The following PRH2 variants were observed in gnomAD, a reference collection of about 807,000 sequenced individuals.
The protein encoded by PRH2 is salivary acidic proline-rich phosphoprotein 1/2.
Under a neutral mutation model 22.6 loss-of-function variants are expected in PRH2, and 19 were observed. The observed-to-expected ratio is 0.84, with a 90% CI of 0.59 to 1.23. The LOEUF (loss-of-function observed/expected upper bound fraction) is 1.23. PRH2 is among the 50% of genes most tolerant of loss of function. The probability of loss-of-function intolerance (pLI) is 0.00; values close to 1 mark genes in which losing one functional copy is unlikely to be tolerated. For missense variants in PRH2, 109 were observed against 203.0 expected, an observed-to-expected ratio of 0.54 and a Z score of 2.81; for synonymous variants, 45 against 72.0, an observed-to-expected ratio of 0.63 and a Z score of 1.90.
chr12:10,933,653 A>C lies in PRH2; in HGVS notation c.*1446A>C, dbSNP rs1950245381. On this transcript the variant is annotated 3_prime_UTR_variant, in exon 4 of 4. Coordinates refer to ENST00000396400, the MANE Select transcript of PRH2 (RefSeq NM_001110213.1). ...GCCAACGTTGTCTTTGATAATATTT[A>C]ATATATTTTTTAAAAAACAATTCTT... Among the ~76,000 whole-genome samples, 1 of 152,070 alleles carries C rather than the reference A, an allele frequency of 6.6e-6. No homozygotes were observed. The highest frequency in any genetic ancestry group is 1.5e-5 in the Non-Finnish European group (1 of 67,948).
chr12:10,930,397 A>G, intron 2 of PRH2, 93 bp downstream of exon 2: 1 of 1,531,038 alleles, frequency 6.5e-7, no homozygotes, highest in Non-Finnish European at 9.0e-7. Flanking sequence ...CCTTGTCAGG[A>G]ATTGGCTAAT....
chr12:10,931,182 C>T, intron 3 of PRH2, 102 bp downstream of exon 3: 1 of 1,545,962 alleles, frequency 6.5e-7, no homozygotes. Flanking sequence ...ATTTCCGTGT[C>T]CTGGAACACA....
At chr12:10,929,381 T>A in intron 1 of PRH2, 44 bp downstream of exon 1, 1 of 1,611,456 alleles carries the variant, frequency 6.2e-7, no homozygotes, top group East Asian at 2.2e-5. Flanking sequence ...GATTGGGGTT[T>A]ACGGGCGAAT....
rs371159821 is a variant in PRH2 at position 10,929,344 on chromosome 12, C to T, written c.64+7C>T. On this transcript the variant is annotated splice_region_variant and intron_variant, in intron 1 of 3. Coordinates refer to ENST00000396400, the MANE Select transcript of PRH2 (RefSeq NM_001110213.1). ...GCTCAGGACTTAGATGAAGGTAAGC[C>T]GAATTGGGGGAAGATATTGTGACTC... The T allele has an allele frequency of 5.8e-5, 93 of 1,613,620 alleles. No homozygotes were observed. The highest frequency in any genetic ancestry group is 7.6e-5 in the Non-Finnish European group (90 of 1,179,976).
chr12:10,932,584 G>T lies in PRH2; in HGVS notation c.*377G>T, dbSNP rs74597237. ...CAGCTTATGAATGTAAGCAAAACAG[G>T]ACCAATGAAAGAAAGTCCCAGAAGC... On this transcript the variant is annotated 3_prime_UTR_variant, in exon 4 of 4. Coordinates refer to ENST00000396400, the MANE Select transcript of PRH2 (RefSeq NM_001110213.1). 1.3e-5 allele frequency among the ~76,000 whole-genome samples: 2 copies of T among 152,202 alleles called. No homozygotes were observed. The highest frequency in any genetic ancestry group is 2.1e-4 in the South Asian group (1 of 4,826).
In PRH2 at chr12:10,930,435, T is replaced by C. The variant is rs990797830; in HGVS notation, c.100+131T>C. On this transcript the variant is annotated intron_variant, in intron 2 of 3. Transcript: ENST00000396400. ...CAGTGCCCCAGAGATATAAACAGTT[T>C]TCTCCCAACCTTGATTCTGGGGACC... is the stretch of plus-strand genomic sequence containing the variant. 5.4e-6 allele frequency: 8 copies of C among 1,468,068 alleles called. No individual in the cohort carries two copies. In the African/African-American group the frequency reaches 1.0e-4, roughly 18 times the overall value. 90.9% of individuals were successfully genotyped at this position (1,468,068 alleles called of 1,614,324 possible).
rs545795022 is a variant in PRH2 at position 10,930,416 on chromosome 12, C to T, written c.100+112C>T. On this transcript the variant is annotated intron_variant, in intron 2 of 3. Transcript: ENST00000396400. ...GTCAGGAATTGGCTAATATCAGTGC[C>T]CCAGAGATATAAACAGTTTTCTCCC... 30 of 1,490,716 alleles carry T rather than the reference C, an allele frequency of 2.0e-5. No homozygotes were observed. In the East Asian group the frequency reaches 2.7e-4, roughly 14 times the overall value. 92.3% of individuals were successfully genotyped at this position (1,490,716 alleles called of 1,614,324 possible). A position where few individuals can be genotyped will look rare whatever the true frequency, so the allele number is the denominator to read the frequency against.
In PRH2 at chr12:10,933,003, A is replaced by G. The variant is rs1034567411; in HGVS notation, c.*796A>G. ...AATTAATGAAAATTTAAAAGATTAA[A>G]TGAATGAGAAGAAATGATTCATAAA... On this transcript the variant is annotated 3_prime_UTR_variant, in exon 4 of 4. Coordinates refer to ENST00000396400, the MANE Select transcript of PRH2 (RefSeq NM_001110213.1). Among the ~76,000 whole-genome samples, 3 of 152,172 alleles carry G rather than the reference A, an allele frequency of 2.0e-5. No homozygotes were observed. The highest frequency in any genetic ancestry group is 4.4e-5 in the Non-Finnish European group (3 of 68,004).
At chr12:10,931,353 C>T (rs1565479623) in intron 3 of PRH2, among the ~76,000 whole-genome samples, 1 of 152,154 alleles carries the variant, frequency 6.6e-6, no homozygotes, top group Non-Finnish European at 1.5e-5. Flanking sequence ...CTCCCTTTGG[C>T]ACTCTGTTTC....
At chr12:10,930,413 T>C in intron 2 of PRH2, 109 bp downstream of exon 2, 1 of 1,498,036 alleles carries the variant, frequency 6.7e-7, no homozygotes, top group South Asian at 1.2e-5. Context: ...CTAATATCAG[T>C]GCCCCAGAGA....
rs1130408 is a variant in PRH2 at position 10,930,285 on chromosome 12, C to T, written c.81C>T (p.Asp27=). Residue 27 remains aspartate, a synonymous_variant, in exon 2 of 4, where the codon GAC becomes GAT. Transcript: ENST00000396400. The part of the protein sequence containing the change: ...QDLDEDVSQE[D]VPLVISDGGD... Reference sequence around the variant, plus strand: ...CTTTTCTAGATGTCAGCCAAGAAGACGTTCCCTTGGTAATATCAGGTAAAT... The same window carrying T: ...CTTTTCTAGATGTCAGCCAAGAAGATGTTCCCTTGGTAATATCAGGTAAAT... The T allele has an allele frequency of 3.5e-5, 56 of 1,613,302 alleles. No homozygotes were observed. Among genetic ancestry groups the T allele is most frequent in the Middle Eastern group, 3.3e-4 (2 of 6,058 alleles).
chr12:10,929,787 A>G (rs1950176728), intron 1 of PRH2, among the ~76,000 whole-genome samples: 1 of 152,212 alleles, frequency 6.6e-6, no homozygotes, highest in Non-Finnish European at 1.5e-5. Flanking sequence ...CTCTGTCTAC[A>G]TAGAGTTAGA....
At chr12:10,931,116 A>T (rs765441363) in intron 3 of PRH2, 36 bp downstream of exon 3, 1 of 1,580,022 alleles carries the variant, frequency 6.3e-7, no homozygotes, top group Admixed American at 1.9e-5. Flanking sequence ...AAAGGCTCCA[A>T]CTGCTACAGT....
rs558336671 is a variant in PRH2, at chr12:10,933,233, T to A, written c.*1026T>A. On this transcript the variant is annotated 3_prime_UTR_variant, in exon 4 of 4. Transcript: ENST00000396400. ...GTTTTTACAGATATACAATATGGAGTGACTTATATACAAAATGACCTTAAA... is the reference window on the plus strand; with the variant it reads ...GTTTTTACAGATATACAATATGGAGAGACTTATATACAAAATGACCTTAAA... 3.3e-5 allele frequency among the ~76,000 whole-genome samples: 5 copies of A among 151,952 alleles called. No homozygotes were observed. Among genetic ancestry groups the A allele is most frequent in the African/African-American group, 4.8e-5 (2 of 41,408 alleles).
chr12:10,931,133 A>G (rs1950205749), intron 3 of PRH2, 53 bp downstream of exon 3: 1 of 1,586,474 alleles, frequency 6.3e-7, no homozygotes, highest in Non-Finnish European at 8.5e-7. Context: ...CAGTTCTCCA[A>G]CTTCATTGTG....
chr12:10,929,711 T>C (rs3930724), intron 1 of PRH2, among the ~76,000 whole-genome samples: 3,005 of 152,204 alleles, frequency 0.02, 36 homozygotes, highest in South Asian at 0.032. Flanking sequence ...AGTGGATGAG[T>C]ATCCATGAAG....
In PRH2 at chr12:10,934,101, C is replaced by T. The variant is rs1388765109; in HGVS notation, c.*1894C>T. ...AATATAATAAGAAAATGATTATTCA[C>T]AAAGGAACCAAAAGGCCTAGTCTTC... is the stretch of plus-strand genomic sequence containing the variant. On this transcript the variant is annotated 3_prime_UTR_variant, in exon 4 of 4. Transcript: ENST00000396400. 6.6e-6 allele frequency among the ~76,000 whole-genome samples: 1 copy of T among 152,118 alleles called. No homozygotes were observed. Among genetic ancestry groups the T allele is most frequent in the African/African-American group, 2.4e-5 (1 of 41,440 alleles).
intron 3 of PRH2, among the ~76,000 whole-genome samples, chr12:10,931,741 T>C (rs1950216999): frequency 6.6e-6 from 1 of 152,226 alleles, no homozygotes; most frequent in African/African-American, 2.4e-5. Context: ...TATTCAGTTC[T>C]GTGTCTTACT....
chr12:10,931,711 A>G (rs1950216042), intron 3 of PRH2, among the ~76,000 whole-genome samples: 3 of 152,062 alleles, frequency 2.0e-5, no homozygotes, highest in Non-Finnish European at 2.9e-5. Context: ...TAATTTTCCC[A>G]CCACTAATAC....
Sources: allele counts gnomAD v4.1 joint callset (sites outside exome capture counted in the v4.1 genomes callset), GRCh38; gene constraint gnomAD v4.1.1; transcripts MANE v1.5; gene names NCBI Gene and HGNC (gene_info 2026-07-23, HGNC 2026-07-21).